The following RABGAP1L variants were observed in gnomAD, a reference collection of about 807,000 sequenced individuals.
RABGAP1L encodes RAB GTPase activating protein 1 like, also known as rab GTPase-activating protein 1-like.
Under a neutral mutation model 137.7 loss-of-function variants are expected in RABGAP1L, and 63 were observed. The observed-to-expected ratio is 0.46, with a 90% confidence interval of 0.37 to 0.56. The LOEUF (loss-of-function observed/expected upper bound fraction) is 0.56. RABGAP1L is among the 20% of genes least tolerant of loss of function. The pLI, the probability that RABGAP1L is intolerant of heterozygous loss-of-function variation, is 0.00. For missense variants in RABGAP1L, 1,095 were observed against 1,244.0 expected (o/e 0.88, Z 1.80); for synonymous variants, 431 against 433.7 (o/e 0.99, Z 0.08).
At chr1:174,434,952 A>AGCAGAACATTTAT (rs1460506421) in intron 13 of RABGAP1L, among the ~76,000 whole-genome samples, 1 of 152,166 alleles carries the variant, frequency 6.6e-6, no homozygotes, top group Non-Finnish European at 1.5e-5. Flanking sequence ...TCTTTTGCTA[A>AGCAGAACATTTAT]GCAGAACATT....
At chr1:174,654,358 T>C (rs1478444067) in intron 14 of RABGAP1L, among the ~76,000 whole-genome samples, 2 of 152,164 alleles carry the variant, frequency 1.3e-5, no homozygotes, top group African/African-American at 4.8e-5. Context: ...AATACAGATA[T>C]TTTAGATGAA....
intron 22 of RABGAP1L, 119 bp from the exon 23 acceptor site, chr1:174,978,688 A>G: frequency 1.7e-6 from 2 of 1,159,316 alleles, no homozygotes; most frequent in Non-Finnish European, 2.3e-6. Flanking sequence ...AAGATAATTT[A>G]TATAGTTAAC....
intron 16 of RABGAP1L, chr1:174,701,042 A>C: frequency 7.7e-7 from 1 of 1,297,994 alleles, no homozygotes; most frequent in Non-Finnish European, 1.0e-6. Context: ...CTATTTTTCA[A>C]AGAGAGCATG....
At chr1:174,809,838 C>T (rs1754356) in intron 18 of RABGAP1L, among the ~76,000 whole-genome samples, 1 of 152,148 alleles carries the variant, frequency 6.6e-6, no homozygotes, top group African/African-American at 2.4e-5. Flanking sequence ...ATAATTCAGC[C>T]GTTGATATTT....
At chr1:174,741,662 C>A (rs542875539) in intron 17 of RABGAP1L, among the ~76,000 whole-genome samples, 89 of 151,902 alleles carry the variant, frequency 5.9e-4, no homozygotes, top group African/African-American at 2.0e-3. Flanking sequence ...GTACCCGGCC[C>A]CCAGTATAAA....
chr1:174,200,836 C>A (rs1668043960), intron 1 of RABGAP1L, among the ~76,000 whole-genome samples: 2 of 152,162 alleles, frequency 1.3e-5, no homozygotes, highest in African/African-American at 2.4e-5. Flanking sequence ...ATATAAATAA[C>A]CTTTATAGGA....
chr1:174,775,107 G>A (rs1291014506), intron 18 of RABGAP1L, among the ~76,000 whole-genome samples: 1 of 152,098 alleles, frequency 6.6e-6, no homozygotes, highest in South Asian at 2.1e-4. Context: ...CGGAGGAAGA[G>A]GGAAATTTCA....
At chr1:174,682,576 C>T (rs1678163712) in intron 14 of RABGAP1L, among the ~76,000 whole-genome samples, 1 of 151,794 alleles carries the variant, frequency 6.6e-6, no homozygotes, top group African/African-American at 2.4e-5. Context: ...TTTCTAACTC[C>T]TATTCTTTAC....
At chr1:174,656,862 G>T (rs553941162) in intron 14 of RABGAP1L, among the ~76,000 whole-genome samples, 1 of 152,260 alleles carries the variant, frequency 6.6e-6, no homozygotes, top group African/African-American at 2.4e-5. Context: ...TTCTGTGTGT[G>T]TTTGAACATG....
intron 19 of RABGAP1L, among the ~76,000 whole-genome samples, chr1:174,947,710 G>T (rs966065999): frequency 2.0e-5 from 3 of 152,068 alleles, no homozygotes; most frequent in Non-Finnish European, 2.9e-5. Flanking sequence ...GTAAGCCACC[G>T]CACCCAGCCA....
At chr1:174,199,283 A>C (rs1278554587) in intron 1 of RABGAP1L, among the ~76,000 whole-genome samples, 1 of 152,016 alleles carries the variant, frequency 6.6e-6, no homozygotes, top group Admixed American at 6.6e-5. Context: ...AGGCAATTTT[A>C]TTCATGTATT....
At chr1:174,328,713 T>G (rs1680763055) in intron 11 of RABGAP1L, among the ~76,000 whole-genome samples, 1 of 152,110 alleles carries the variant, frequency 6.6e-6, no homozygotes, top group East Asian at 1.9e-4. Flanking sequence ...GAAGTTGCAG[T>G]GAGCCGAGAT....
intron 13 of RABGAP1L, among the ~76,000 whole-genome samples, chr1:174,495,979 A>G (rs921758659): frequency 6.6e-6 from 1 of 152,188 alleles, no homozygotes; most frequent in African/African-American, 2.4e-5. Flanking sequence ...TCAGCCTGCC[A>G]GTGTGCTGGG....
intron 18 of RABGAP1L, among the ~76,000 whole-genome samples, chr1:174,752,706 A>G (rs1684436799): frequency 6.6e-6 from 1 of 152,162 alleles, no homozygotes; most frequent in Non-Finnish European, 1.5e-5. Context: ...TTTTTACTAT[A>G]ACATCTCTGG....
At chr1:174,562,136 A>C (rs915053858) in intron 13 of RABGAP1L, among the ~76,000 whole-genome samples, 7 of 152,230 alleles carry the variant, frequency 4.6e-5, no homozygotes, top group African/African-American at 1.7e-4. Flanking sequence ...CAGAATCTAC[A>C]AAGAACTTAA....
chr1:174,170,923 A>C (rs1665328425), intron 1 of RABGAP1L, among the ~76,000 whole-genome samples: 1 of 152,242 alleles, frequency 6.6e-6, no homozygotes, highest in South Asian at 2.1e-4. Flanking sequence ...AATCTTTGAA[A>C]TCTTGTACAC....
At chr1:174,483,169 A>G (rs1247174106) in intron 13 of RABGAP1L, among the ~76,000 whole-genome samples, 1 of 152,134 alleles carries the variant, frequency 6.6e-6, no homozygotes, top group Non-Finnish European at 1.5e-5. Flanking sequence ...TTTAAAATGT[A>G]GAATTTATTT....
rs184874391 is a variant in RABGAP1L at position 174,619,142 on chromosome 1, A to G, written c.1711-18233A>G. On this transcript the variant is annotated intron_variant, in intron 13 of 25. Transcript: ENST00000681986. The stretch of plus-strand genomic sequence containing the variant: ...CCTCCAAGAAATATGGGACTATGTG[A>G]AACGACCAAATCTACGTGTGACAGG... Among the ~76,000 whole-genome samples the G allele has an allele frequency of 2.6e-5, 4 of 152,356 alleles. No individual in the cohort carries two copies. In the East Asian group the frequency reaches 7.7e-4, roughly 29 times the overall value.
At chr1:174,941,515 C>A in intron 19 of RABGAP1L, among the ~76,000 whole-genome samples, 1 of 152,170 alleles carries the variant, frequency 6.6e-6, no homozygotes, top group Non-Finnish European at 1.5e-5. Flanking sequence ...AGCCAGGTAG[C>A]CTAATGCCTG....
Sources: gnomAD v4.1 joint callset for allele counts (sites outside exome capture counted in the v4.1 genomes callset) on GRCh38, gnomAD v4.1.1 for gene constraint, MANE v1.5 for transcripts, NCBI Gene and HGNC (gene_info 2026-07-23, HGNC 2026-07-21) for gene names.